Variants in C1GALT1 observed in about 807,000 individuals in gnomAD.
C1GALT1 encodes the protein glycoprotein-N-acetylgalactosamine 3-beta-galactosyltransferase 1.
C1GALT1 carries 11 observed loss-of-function variants against 31.0 expected under a neutral mutation model. The observed-to-expected ratio is 0.36, with a 90% CI of 0.22 to 0.59. C1GALT1 has a LOEUF of 0.59. Among genes scored for constraint, C1GALT1 ranks in the 20% least tolerant of loss-of-function variants. The probability of loss-of-function intolerance (pLI) is 0.79; values close to 1 mark genes in which losing one functional copy is unlikely to be tolerated. For synonymous variants in C1GALT1, 175 were observed against 143.6 expected, an observed-to-expected ratio of 1.22 and a Z score of -1.56; for missense variants, 424 against 425.2, an observed-to-expected ratio of 1.00 and a Z score of 0.03.
At chr7:7,173,165 T>C (rs1722455457) in intron 2 of C1GALT1, among the ~76,000 whole-genome samples, 1 of 152,106 alleles carries the variant, frequency 6.6e-6, no homozygotes, top group Non-Finnish European at 1.5e-5. Context: ...AGATCCTTCA[T>C]GAATGGCCAT....
rs1257011799 is a variant in C1GALT1 at position 7,245,620 on chromosome 7, T to C, written c.*1893T>C. 6.6e-6 allele frequency: 1 copy of C among 152,270 alleles called. No individual in the cohort carries two copies. Among genetic ancestry groups the C allele is most frequent in the African/African-American group, 2.4e-5 (1 of 41,466 alleles). 9.4% of individuals were successfully genotyped at this position (152,270 alleles called of 1,614,324 possible). A position where few individuals can be genotyped will look rare whatever the true frequency, so the allele number is the denominator to read the frequency against. ...AACATGCACCAGTTTTTACCTATTA[T>C]CATGGTAGTATCATCTGCCAAAATT... On this transcript the variant is annotated 3_prime_UTR_variant, in exon 4 of 4. Coordinates refer to ENST00000436587, the MANE Select transcript of C1GALT1 (RefSeq NM_020156.5).
chr7:7,171,954 T>C (rs1009632307), intron 2 of C1GALT1, among the ~76,000 whole-genome samples: 2 of 152,202 alleles, frequency 1.3e-5, no homozygotes, highest in African/African-American at 4.8e-5. Context: ...TATTTTTATA[T>C]ATGTGTTTGT....
Position 7,234,478 on chromosome 7 carries a change from T to C in C1GALT1, c.159T>C (p.Asp53=). 6.2e-7 allele frequency: 1 copy of C among 1,613,962 alleles called. No individual in the cohort carries two copies. The highest frequency in any genetic ancestry group is 8.5e-7 in the Non-Finnish European group (1 of 1,179,902). The change falls in exon 2 of 4, where the codon GAT becomes GAC. Residue 53 remains aspartate (D), a synonymous_variant. Transcript: ENST00000436587. Reference sequence around the variant, plus strand: ...ATCCTCATGCAAGGCATTCAGATGATAATGGACAGAATCATCTAGAAGGAC... The same window carrying C: ...ATCCTCATGCAAGGCATTCAGATGACAATGGACAGAATCATCTAGAAGGAC... ...HNDPHARHSD[D]NGQNHLEGQM... is the part of the protein sequence containing the mutation.
intron 2 of C1GALT1, among the ~76,000 whole-genome samples, chr7:7,162,370 G>T (rs964756005): frequency 2.7e-5 from 4 of 147,368 alleles, no homozygotes; most frequent in African/African-American, 7.5e-5. Flanking sequence ...GTGGTGTTTG[G>T]TTTTTTGTCC....
chr7:7,186,592 T>A (rs1780825549), intron 1 of C1GALT1, among the ~76,000 whole-genome samples: 1 of 152,150 alleles, frequency 6.6e-6, no homozygotes, highest in South Asian at 2.1e-4. Flanking sequence ...ACAAGATGAA[T>A]AAGTAAAATA....
chr7:7,238,379 T>G lies in C1GALT1; in HGVS notation c.345T>G (p.Cys115Trp). 6.2e-7 allele frequency: 1 copy of G among 1,614,150 alleles called. No individual in the cohort carries two copies. The highest frequency in any genetic ancestry group is 8.5e-7 in the Non-Finnish European group (1 of 1,180,016). The change falls in exon 3 of 4, where the codon TGT (cysteine) becomes TGG (tryptophan). Residue 115 changes from cysteine to tryptophan, a missense_variant. Transcript: ENST00000436587. The surrounding 1 kb of genome is among the most constrained non-coding windows in gnomAD (Gnocchi z 5.2). ...TCAAAGCTACTTGGGCCCAGCGTTG[T>G]AACAAAGTGTTGTTTATGAGTTCAG... ...KHVKATWAQR[C>W]NKVLFMSSEE...
intron 3 of C1GALT1, among the ~76,000 whole-genome samples, chr7:7,242,910 CT>C (rs1401236926): frequency 5.3e-5 from 8 of 152,038 alleles, no homozygotes; most frequent in African/African-American, 1.9e-4. Flanking sequence ...AAATAACCAC[CT>C]TTTACAAATG....
intron 1 of C1GALT1, among the ~76,000 whole-genome samples, chr7:7,226,044 C>G (rs1782744644): frequency 6.6e-6 from 1 of 152,076 alleles, no homozygotes; most frequent in African/African-American, 2.4e-5. Context: ...TACTCAGTTT[C>G]TTCATCTGTA....
chr7:7,196,452 C>G (rs538173847), intron 1 of C1GALT1, among the ~76,000 whole-genome samples: 69 of 152,272 alleles, frequency 4.5e-4, no homozygotes, highest in Non-Finnish European at 7.5e-4. Flanking sequence ...TTTTCTTACT[C>G]CAGTCTATCA....
At chr7:7,243,372 C>A (rs192216777) in intron 3 of C1GALT1, 152 bp from the exon 4 acceptor site, 1 of 527,950 alleles carries the variant, frequency 1.9e-6, no homozygotes, top group African/African-American at 2.0e-5. Context: ...TTGATTTCTT[C>A]CACAGGTCTA....
At chr7:7,203,435 C>G (rs1260181018) in intron 1 of C1GALT1, among the ~76,000 whole-genome samples, 1 of 152,074 alleles carries the variant, frequency 6.6e-6, no homozygotes, top group African/African-American at 2.4e-5. Context: ...TTTTCTGCAT[C>G]AATTGAGAGG....
Position 7,239,024 on chromosome 7 carries a change from G to A in C1GALT1, c.888+102G>A, listed in dbSNP as rs1042743867. 4.3e-6 allele frequency: 4 copies of A among 927,788 alleles called. No individual in the cohort carries two copies. The African/African-American group carries it at 6.7e-5, about 16-fold the overall frequency. 57.5% of individuals were successfully genotyped at this position (927,788 alleles called of 1,614,324 possible). A position where few individuals can be genotyped will look rare whatever the true frequency, so the allele number is the denominator to read the frequency against. On this transcript the variant is annotated intron_variant, in intron 3 of 3. Coordinates refer to ENST00000436587, the MANE Select transcript of C1GALT1 (RefSeq NM_020156.5). ...TATGTTTCTTTAGTACCAACAACAAGGACTCTTCCTTAGTCTTTTTAAATA... is the reference window on the plus strand; with the variant it reads ...TATGTTTCTTTAGTACCAACAACAAAGACTCTTCCTTAGTCTTTTTAAATA...
In C1GALT1 at chr7:7,166,695, T is replaced by C. The variant is rs564988461; in HGVS notation, c.-18+9269T>C. ...GGGTTGAAATCCGTGTTATACTATT[T>C]ACAAATTGCTTAATCTCTAAGACTA... On this transcript the variant is annotated intron_variant, in intron 2 of 3. Coordinates refer to the C1GALT1 transcript ENST00000429911. Among the ~76,000 whole-genome samples, 20 of 152,326 alleles carry C rather than the reference T, an allele frequency of 1.3e-4. 1 individual carries two copies. In the South Asian group the frequency reaches 3.9e-3, roughly 30 times the overall value.
chr7:7,209,227 C>A (rs1446815321), intron 1 of C1GALT1, among the ~76,000 whole-genome samples: 1 of 152,178 alleles, frequency 6.6e-6, no homozygotes, highest in African/African-American at 2.4e-5. Context: ...TGAAACGTGA[C>A]CTTCCATTAT....
At chr7:7,232,466 G>T (rs1329841067) in intron 1 of C1GALT1, among the ~76,000 whole-genome samples, 7 of 148,476 alleles carry the variant, frequency 4.7e-5, no homozygotes, top group African/African-American at 1.7e-4. Context: ...TTTGAGAAAT[G>T]TAATGGAAAG....
intron 2 of C1GALT1, among the ~76,000 whole-genome samples, chr7:7,177,315 A>G (rs1199727017): frequency 1.3e-5 from 2 of 152,200 alleles, no homozygotes; most frequent in Non-Finnish European, 2.9e-5. Context: ...GTTCCAGTAT[A>G]TAAAGCCTTC....
At chr7:7,158,974 C>T (rs907067468) in intron 2 of C1GALT1, among the ~76,000 whole-genome samples, 26 of 152,098 alleles carry the variant, frequency 1.7e-4, no homozygotes, top group Non-Finnish European at 3.5e-4. Context: ...GATCTGAGGG[C>T]GGTCATAAAC....
chr7:7,193,947 G>A (rs538565624), intron 1 of C1GALT1, among the ~76,000 whole-genome samples: 12 of 151,928 alleles, frequency 7.9e-5, no homozygotes, highest in African/African-American at 2.9e-4. Context: ...TAGTAAAAGA[G>A]TTTGAGTTCT....
intron 2 of C1GALT1, among the ~76,000 whole-genome samples, chr7:7,167,449 A>T (rs1369228261): frequency 6.6e-6 from 1 of 152,222 alleles, no homozygotes; most frequent in East Asian, 1.9e-4. Context: ...TTTAAACTAC[A>T]TGTAAATTTA....
Sources: allele counts gnomAD v4.1 joint callset (sites outside exome capture counted in the v4.1 genomes callset), GRCh38; gene constraint gnomAD v4.1.1; non-coding constraint Gnocchi (gnomAD v3.1); transcripts MANE v1.5; gene names NCBI Gene and HGNC (gene_info 2026-07-23, HGNC 2026-07-21).